Variants in RGPD5 observed in about 807,000 individuals in gnomAD.
The protein encoded by RGPD5 is RANBP2 like and GRIP domain containing 5, also known as RANBP2-like and GRIP domain-containing protein 5/6.
chr2:109,765,694 G>A, the RGPD5 span, among the ~76,000 whole-genome samples: 1 of 150,598 alleles, frequency 6.6e-6, no homozygotes, highest in Non-Finnish European at 1.5e-5. Context: ...ATAAAGTGTG[G>A]ATCTTGTTTG....
At chr2:109,763,623 ATAGT>A in the RGPD5 span, among the ~76,000 whole-genome samples, 1 of 150,372 alleles carries the variant, frequency 6.7e-6, no homozygotes, top group East Asian at 2.0e-4. Context: ...ATAAACTACC[ATAGT>A]TAGGAAAGTA....
the RGPD5 span, among the ~76,000 whole-genome samples, chr2:109,770,129 G>A: frequency 9.9e-6 from 1 of 100,638 alleles, no homozygotes; most frequent in Non-Finnish European, 1.9e-5. Context: ...GCGACATTCA[G>A]GAGTTCCTTA....
intron 1 of RGPD5, among the ~76,000 whole-genome samples, chr2:109,799,291 G>T (rs1573999401): frequency 8.7e-6 from 1 of 115,082 alleles, no homozygotes; most frequent in Non-Finnish European, 1.7e-5. Context: ...TTTATGTGCT[G>T]TCCTGACTGT....
rs1322014140 is a variant in RGPD5, at chr2:109,794,797, C to T, written c.72+260C>T. The T allele has an allele frequency of 1.3e-4, 25 of 197,032 alleles. No individual in the cohort carries two copies. In the African/African-American group the frequency reaches 1.6e-3, roughly 12 times the overall value. 12.2% of individuals were successfully genotyped at this position (197,032 alleles called of 1,614,324 possible). A position where few individuals can be genotyped will look rare whatever the true frequency, so the allele number is the denominator to read the frequency against. ...CGGGAGACCGTTGGCGCCGGCGCTT[C>T]CTCTTAATCCCGGCTTGTTCCCGAC... On this transcript the variant is annotated intron_variant, in intron 1 of 22. Coordinates refer to ENST00000016946, the MANE Select transcript of RGPD5 (RefSeq NM_005054.3).
the RGPD5 span, among the ~76,000 whole-genome samples, chr2:109,763,642 T>G: frequency 1.3e-5 from 2 of 150,314 alleles, no homozygotes; most frequent in Non-Finnish European, 2.9e-5. Context: ...AAAGTATACC[T>G]GTTAATTATG....
the RGPD5 span, among the ~76,000 whole-genome samples, chr2:109,763,967 C>T: frequency 6.9e-6 from 1 of 145,302 alleles, no homozygotes; most frequent in Non-Finnish European, 1.5e-5. Flanking sequence ...AATCAATATA[C>T]ACAATCAATT....
chr2:109,764,099 T>G, the RGPD5 span, among the ~76,000 whole-genome samples: 1 of 148,638 alleles, frequency 6.7e-6, no homozygotes, highest in African/African-American at 2.5e-5. Context: ...GTTTCAACTT[T>G]TTCAGCCATA....
At chr2:109,763,439 T>C in the RGPD5 span, among the ~76,000 whole-genome samples, 3 of 150,300 alleles carry the variant, frequency 2.0e-5, no homozygotes, top group South Asian at 4.4e-4. Context: ...GTGATCTGAC[T>C]TCAAATCCAG....
the RGPD5 span, among the ~76,000 whole-genome samples, chr2:109,761,664 A>C: frequency 1.4e-5 from 2 of 144,288 alleles, no homozygotes; most frequent in African/African-American, 2.6e-5. Context: ...ACCCGCCACT[A>C]TCTCTTAAAT....
chr2:109,794,915 C>T (rs1172669984), intron 1 of RGPD5: 26 of 29,070 alleles, frequency 8.9e-4, no homozygotes, highest in Non-Finnish European at 1.2e-3. Context: ...GCCTAGTTCT[C>T]GGGGGCTTGG....
the RGPD5 span, among the ~76,000 whole-genome samples, chr2:109,766,583 G>A: frequency 2.7e-5 from 4 of 150,550 alleles, 1 homozygote; most frequent in South Asian, 8.6e-4. Context: ...TGAAAATGTA[G>A]GAGGGTTTTA....
chr2:109,774,531 T>A, the RGPD5 span, among the ~76,000 whole-genome samples: 3 of 88,316 alleles, frequency 3.4e-5, no homozygotes, highest in African/African-American at 1.4e-4. Context: ...ATTATATATA[T>A]TATATATAAA....
At chr2:109,764,405 C>A in the RGPD5 span, among the ~76,000 whole-genome samples, 2 of 147,528 alleles carry the variant, frequency 1.4e-5, 1 homozygote, top group Non-Finnish European at 3.0e-5. Flanking sequence ...AAAATAATGA[C>A]CATCCCTTTT....
the RGPD5 span, among the ~76,000 whole-genome samples, chr2:109,760,982 C>A: frequency 7.5e-6 from 1 of 132,936 alleles, no homozygotes; most frequent in Non-Finnish European, 1.6e-5. Context: ...TCCTGTTCGC[C>A]TCCCTCGCGG....
the RGPD5 span, among the ~76,000 whole-genome samples, chr2:109,766,369 G>A: frequency 1.2e-4 from 18 of 150,744 alleles, 1 homozygote; most frequent in East Asian, 3.5e-3. Flanking sequence ...AGAAAGCTGG[G>A]TGGAGAGACT....
chr2:109,760,964 T>G, the RGPD5 span, among the ~76,000 whole-genome samples: 1 of 128,894 alleles, frequency 7.8e-6, no homozygotes, highest in South Asian at 2.6e-4. Flanking sequence ...CCTGTCTGTT[T>G]CCCCCTCTCC....
At chr2:109,760,765 C>T in the RGPD5 span, among the ~76,000 whole-genome samples, 1 of 143,176 alleles carries the variant, frequency 7.0e-6, no homozygotes, top group Non-Finnish European at 1.5e-5. Flanking sequence ...GACCTCGAGT[C>T]ACTGTGGTAA....
chr2:109,774,540 A>AAATATATATAATATATATATTTTATATAT, the RGPD5 span, among the ~76,000 whole-genome samples: 1 of 76,194 alleles, frequency 1.3e-5, no homozygotes, highest in Non-Finnish European at 2.3e-5. Flanking sequence ...ATTATATATA[A>AAATATATATAATATATATATTTTATATAT]AATATATATA....
the RGPD5 span, among the ~76,000 whole-genome samples, chr2:109,760,971 C>T: frequency 7.6e-6 from 1 of 131,600 alleles, no homozygotes; most frequent in African/African-American, 3.0e-5. Flanking sequence ...GTTTCCCCCT[C>T]TCCTGTTCGC....
Sources: gnomAD v4.1 joint callset for allele counts (sites outside exome capture counted in the v4.1 genomes callset) on GRCh38, gnomAD v4.1.1 for gene constraint, MANE v1.5 for transcripts, NCBI Gene and HGNC (gene_info 2026-07-23, HGNC 2026-07-21) for gene names.